Variants in ESRP1 observed in about 807,000 individuals in gnomAD.
ESRP1 encodes the protein epithelial splicing regulatory protein 1.
ESRP1 carries 33 observed loss-of-function variants against 81.7 expected under a neutral mutation model. The ratio of observed to expected loss-of-function variants is 0.40; its 90% confidence interval spans 0.31 to 0.54. The LOEUF (loss-of-function observed/expected upper bound fraction) is 0.54, where lower values mean the gene tolerates loss of function less well. Among genes scored for constraint, ESRP1 ranks in the 20% least tolerant of loss-of-function variants. The pLI, the probability that ESRP1 is intolerant of heterozygous loss-of-function variation, is 0.41. For missense variants in ESRP1, 672 were observed against 833.1 expected (o/e 0.81, Z 2.38); for synonymous variants, 320 against 303.3 (o/e 1.06, Z -0.57).
At chr8:94,665,133 A>G (rs1818956153) in intron 8 of ESRP1, 21 bp from the exon 9 acceptor site, 1 of 1,613,582 alleles carries the variant, frequency 6.2e-7, no homozygotes, top group South Asian at 1.1e-5. Context: ...CAGAAACACT[A>G]ACTTCTCTGT....
At chr8:94,643,481 AT>A in intron 3 of ESRP1, 65 bp downstream of exon 3, 1 of 1,111,464 alleles carries the variant, frequency 9.0e-7, no homozygotes, top group Non-Finnish European at 1.3e-6. Context: ...GTTTTTAAAA[AT>A]TTTTGGTTTA....
chr8:94,686,231 C>T (rs1384325948), intron 13 of ESRP1, among the ~76,000 whole-genome samples: 2 of 152,134 alleles, frequency 1.3e-5, no homozygotes, highest in East Asian at 1.9e-4. Context: ...GGCTGGCCTA[C>T]GTTACCTATA....
At chr8:94,661,740 G>A (rs1444010906) in intron 4 of ESRP1, among the ~76,000 whole-genome samples, 1 of 152,098 alleles carries the variant, frequency 6.6e-6, no homozygotes, top group Non-Finnish European at 1.5e-5. Context: ...ATCAAAGGTG[G>A]ACTATCCTAC....
rs748556062 is a variant in ESRP1, at chr8:94,641,288, A to ACCCCCCCC, written c.-24_-23insCCCCCCCC. 5 of 1,030,368 alleles carry ACCCCCCCC rather than the reference A, an allele frequency of 4.9e-6. No individual in the cohort carries two copies. The highest frequency in any genetic ancestry group is 3.6e-5 in the Admixed American group (2 of 55,166). The allele number at this position is 1,030,368 out of a possible 1,614,324, so 63.8% of individuals were successfully genotyped here. ...TTCCACACCACCTTACCGCCTCCCG[A>ACCCCCCCC]CCCCCCCTCTCCCCCTCCCCACCTA... On this transcript the variant is annotated 5_prime_UTR_variant, in exon 1 of 16. Coordinates refer to ENST00000433389, the MANE Select transcript of ESRP1 (RefSeq NM_017697.4).
At chr8:94,683,831 T>A (rs546283888) in intron 13 of ESRP1, among the ~76,000 whole-genome samples, 1 of 152,282 alleles carries the variant, frequency 6.6e-6, no homozygotes, top group South Asian at 2.1e-4. Flanking sequence ...CAACTCACTC[T>A]CTCCTACTAG....
intron 14 of ESRP1, among the ~76,000 whole-genome samples, chr8:94,694,027 C>A (rs73695518): frequency 0.02 from 3,091 of 152,192 alleles, 97 homozygotes; most frequent in African/African-American, 0.069. Context: ...TAAAAAGTTA[C>A]TTTTTAAACT....
intron 4 of ESRP1, among the ~76,000 whole-genome samples, chr8:94,657,043 C>G (rs1818459109): frequency 6.6e-6 from 1 of 152,192 alleles, no homozygotes; most frequent in Non-Finnish European, 1.5e-5. Context: ...CAGTGGTGGT[C>G]ATAAGGAAAG....
chr8:94,704,392 G>C (rs1052807509), intron 15 of ESRP1, among the ~76,000 whole-genome samples: 2 of 151,942 alleles, frequency 1.3e-5, no homozygotes, highest in African/African-American at 4.8e-5. Flanking sequence ...CAGGCAAGAG[G>C]AACACTTGAG....
At chr8:94,698,433 A>C (rs1809690903) in intron 15 of ESRP1, among the ~76,000 whole-genome samples, 2 of 152,324 alleles carry the variant, frequency 1.3e-5, no homozygotes, top group South Asian at 4.1e-4. Flanking sequence ...AATGTGCTTT[A>C]ATCCAAAATG....
At chr8:94,692,561 G>A in intron 13 of ESRP1, 116 bp from the exon 14 acceptor site, 1 of 1,080,074 alleles carries the variant, frequency 9.3e-7, no homozygotes, top group South Asian at 1.7e-5. Flanking sequence ...ACAGCTCTGA[G>A]AAGTATAAGA....
chr8:94,673,543 A>G (rs961375384), intron 11 of ESRP1, among the ~76,000 whole-genome samples: 1 of 152,206 alleles, frequency 6.6e-6, no homozygotes, highest in Non-Finnish European at 1.5e-5. Flanking sequence ...TCCCCCATAA[A>G]ACATTCGTGC....
chr8:94,681,786 T>A (rs770413257), intron 13 of ESRP1, among the ~76,000 whole-genome samples: 3 of 152,090 alleles, frequency 2.0e-5, no homozygotes, highest in Non-Finnish European at 4.4e-5. Flanking sequence ...ATACCAAAAT[T>A]GCCAGGGCAT....
intron 13 of ESRP1, among the ~76,000 whole-genome samples, chr8:94,681,983 T>C (rs1808908445): frequency 6.6e-6 from 1 of 152,176 alleles, no homozygotes; most frequent in African/African-American, 2.4e-5. Context: ...GAAGAGCAGG[T>C]GAAATGAAAG....
rs1026536395 is a variant in ESRP1, at chr8:94,643,300, C to T, written c.262-3C>T. On this transcript the variant is annotated splice_region_variant and splice_polypyrimidine_tract_variant and intron_variant, in intron 2 of 15. Transcript: ENST00000433389. The stretch of plus-strand genomic sequence containing the variant: ...CATCCCTATGTGTATCTTGTTCTTG[C>T]AGTTTAACCAGTCAGTGAGCAATGA... 1.3e-6 allele frequency: 2 copies of T among 1,585,156 alleles called. No individual in the cohort carries two copies. Among genetic ancestry groups the T allele is most frequent in the Non-Finnish European group, 1.7e-6 (2 of 1,153,758 alleles).
At position 94,705,935 on chromosome 8, in the gene ESRP1, A is replaced by G; in HGVS notation, c.*46A>G. On this transcript the variant is annotated 3_prime_UTR_variant, in exon 16 of 16. Coordinates refer to ENST00000433389, the MANE Select transcript of ESRP1 (RefSeq NM_017697.4). ...TTTTTTTTTTTTCAGTGTTTGAAAG[A>G]TGTATGGTGATCTTGAAACCTCCAG... 1 of 1,490,196 alleles carries G rather than the reference A, an allele frequency of 6.7e-7. No individual in the cohort carries two copies. The highest frequency in any genetic ancestry group is 9.0e-7 in the Non-Finnish European group (1 of 1,114,958). 92.3% of individuals were successfully genotyped at this position (1,490,196 alleles called of 1,614,324 possible).
intron 14 of ESRP1, 91 bp downstream of exon 14, chr8:94,692,918 T>C: frequency 7.3e-6 from 10 of 1,373,454 alleles, no homozygotes; most frequent in Non-Finnish European, 9.9e-6. Flanking sequence ...ACAGATTCTA[T>C]GAAACTCGTG....
chr8:94,680,267 G>C (rs974551909), intron 13 of ESRP1, among the ~76,000 whole-genome samples: 2 of 152,102 alleles, frequency 1.3e-5, no homozygotes, highest in Non-Finnish European at 2.9e-5. Context: ...CCCCTAGAGT[G>C]TGTTATTTTA....
intron 4 of ESRP1, among the ~76,000 whole-genome samples, chr8:94,650,843 C>G (rs186327004): frequency 9.4e-4 from 143 of 152,224 alleles, no homozygotes; most frequent in African/African-American, 3.3e-3. Flanking sequence ...TCCCGAGTAG[C>G]TGGGACTACA....
chr8:94,642,143 C>T, intron 2 of ESRP1, 59 bp downstream of exon 2: 1 of 1,576,290 alleles, frequency 6.3e-7, no homozygotes, highest in Non-Finnish European at 8.6e-7. Context: ...CCGCACCCTA[C>T]GCCCTCTCAG....
Sources: gnomAD v4.1 joint callset for allele counts (sites outside exome capture counted in the v4.1 genomes callset) on GRCh38, gnomAD v4.1.1 for gene constraint, MANE v1.5 for transcripts, NCBI Gene and HGNC (gene_info 2026-07-23, HGNC 2026-07-21) for gene names.